SYT2: variants seen among roughly 807,000 people sequenced by gnomAD.
SYT2 encodes synaptotagmin-2.
In SYT2, 15 loss-of-function variants were observed where a neutral mutation model predicts 39.9. That is an observed-to-expected ratio of 0.38 (90% CI 0.25 to 0.58). The LOEUF (loss-of-function observed/expected upper bound fraction) is 0.58, where lower values mean the gene tolerates loss of function less well. Ranked by LOEUF, SYT2 falls within the 20% of genes least tolerant of loss-of-function variation. The pLI, the probability that SYT2 is intolerant of heterozygous loss-of-function variation, is 0.70. For synonymous variants in SYT2, 181 were observed against 204.5 expected, an observed-to-expected ratio of 0.89 and a Z score of 0.98; for missense variants, 389 against 530.3, an observed-to-expected ratio of 0.73 and a Z score of 2.62.
At chr1:202,604,723 A>G in intron 2 of SYT2, 102 bp from the exon 3 acceptor site, 1 of 1,113,626 alleles carries the variant, frequency 9.0e-7, no homozygotes, top group Non-Finnish European at 1.3e-6. Flanking sequence ...CTGCCATCCC[A>G]CAATGCCCAC....
At position 202,590,989 on chromosome 1, in the gene SYT2, G is replaced by GCTC. The variant is rs942795261; in HGVS notation, c.*5765_*5767dup. On this transcript the variant is annotated 3_prime_UTR_variant, in exon 9 of 9. Transcript: ENST00000367268. Reference sequence around the variant, plus strand: ...GAACTCCTGGTGCCCCATGCACACTGCTCCCATCACCTCACCAGACAGATG... The same window carrying GCTC: ...GAACTCCTGGTGCCCCATGCACACTGCTCCTCCCATCACCTCACCAGACAGATG... 23 of 152,280 alleles carry GCTC rather than the reference G, an allele frequency of 1.5e-4. No individual in the cohort carries two copies. The highest frequency in any genetic ancestry group is 5.1e-4 in the African/African-American group (21 of 41,438). The allele number at this position is 152,280 out of a possible 1,614,324, so 9.4% of individuals were successfully genotyped here. A position where few individuals can be genotyped will look rare whatever the true frequency, so the allele number is the denominator to read the frequency against.
intron 1 of SYT2, among the ~76,000 whole-genome samples, chr1:202,606,397 T>TCC (rs890417747): frequency 6.6e-6 from 1 of 152,094 alleles, no homozygotes; most frequent in Non-Finnish European, 1.5e-5. Context: ...CACTGAGGGC[T>TCC]CCTCTTTCAA....
At chr1:202,632,395 AT>A (rs1691618764) in intron 1 of SYT2, 1 of 227,268 alleles carries the variant, frequency 4.4e-6, no homozygotes, top group Non-Finnish European at 7.3e-6. Flanking sequence ...ATATTGGGGG[AT>A]GGGGAGCTGG....
At chr1:202,678,288 AAAAAAAAAAAAAACT>A (rs1367083793) in intron 1 of SYT2, among the ~76,000 whole-genome samples, 3 of 149,060 alleles carry the variant, frequency 2.0e-5, no homozygotes, top group African/African-American at 7.7e-5. Context: ...AAAAAAAAAA[AAAAAAAAAAAAAACT>A]AATAAAATAA....
intron 1 of SYT2, among the ~76,000 whole-genome samples, chr1:202,608,545 G>A (rs1341182141): frequency 1.3e-5 from 2 of 152,072 alleles, no homozygotes; most frequent in African/African-American, 2.4e-5. Context: ...CAAAATGTTG[G>A]CATTACAGGC....
At chr1:202,662,334 C>T (rs770533845) in intron 1 of SYT2, among the ~76,000 whole-genome samples, 6 of 152,244 alleles carry the variant, frequency 3.9e-5, no homozygotes, top group Non-Finnish European at 7.3e-5. Context: ...AGAGATTACA[C>T]TAATTGATCC....
At chr1:202,696,657 G>C (rs1278690759) in intron 1 of SYT2, among the ~76,000 whole-genome samples, 1 of 152,228 alleles carries the variant, frequency 6.6e-6, no homozygotes, top group Non-Finnish European at 1.5e-5. Flanking sequence ...TGGGAGCCTA[G>C]GGAAGTGTGG....
At chr1:202,663,716 T>C (rs1692429691) in intron 1 of SYT2, among the ~76,000 whole-genome samples, 1 of 152,146 alleles carries the variant, frequency 6.6e-6, no homozygotes, top group Non-Finnish European at 1.5e-5. Context: ...CCAGACACTA[T>C]CTCCTCTGAG....
chr1:202,641,668 T>C (rs1171923163), intron 1 of SYT2, among the ~76,000 whole-genome samples: 2 of 152,210 alleles, frequency 1.3e-5, no homozygotes, highest in African/African-American at 2.4e-5. Flanking sequence ...CTCTAGGCTA[T>C]TGTAGTGGAG....
intron 6 of SYT2, 97 bp from the exon 7 acceptor site, chr1:202,600,571 G>C (rs1690464059): frequency 1.9e-6 from 2 of 1,043,738 alleles, no homozygotes; most frequent in Non-Finnish European, 3.0e-6. Flanking sequence ...AGGCAGTGAT[G>C]TGTCCCTGCC....
intron 1 of SYT2, among the ~76,000 whole-genome samples, chr1:202,681,947 CA>C (rs1397092012): frequency 6.6e-6 from 1 of 152,194 alleles, no homozygotes; most frequent in African/African-American, 2.4e-5. Flanking sequence ...GCTACCCCTT[CA>C]AAAAGCCAAC....
intron 1 of SYT2, among the ~76,000 whole-genome samples, chr1:202,669,475 C>T (rs1452520575): frequency 6.6e-6 from 1 of 151,978 alleles, no homozygotes; most frequent in African/African-American, 2.4e-5. Context: ...GATGGTAAAA[C>T]CCCATCTCTA....
chr1:202,637,579 G>A (rs1691774051), intron 1 of SYT2, among the ~76,000 whole-genome samples: 1 of 152,242 alleles, frequency 6.6e-6, no homozygotes, highest in Admixed American at 6.5e-5. Context: ...GCAGTGGGGA[G>A]CAGGTTGAAG....
At chr1:202,597,678 A>G (rs186358223) in intron 8 of SYT2, among the ~76,000 whole-genome samples, 1 of 152,100 alleles carries the variant, frequency 6.6e-6, no homozygotes, top group African/African-American at 2.4e-5. Flanking sequence ...AGTGTCGTGG[A>G]CATTTGAGAG....
At chr1:202,684,702 T>C (rs1268727763) in intron 1 of SYT2, among the ~76,000 whole-genome samples, 1 of 152,154 alleles carries the variant, frequency 6.6e-6, no homozygotes, top group African/African-American at 2.4e-5. Context: ...TCACCCGTGA[T>C]GTATTTGGTT....
Position 202,596,298 on chromosome 1 carries a change from C to CACACAT in SYT2, c.*458_*459insATGTGT, listed in dbSNP as rs1553333837. ...ACACACACACACACACACACACACA[C>CACACAT]ACACACACATACACACACACACACA... On this transcript the variant is annotated 3_prime_UTR_variant, in exon 9 of 9. Coordinates refer to ENST00000367268, the MANE Select transcript of SYT2 (RefSeq NM_177402.5). 0.037 allele frequency: 2,900 copies of CACACAT among 79,432 alleles called. 24 individuals carry two copies. The highest frequency in any genetic ancestry group is 0.039 in the African/African-American group (691 of 17,658). The allele number at this position is 79,432 out of a possible 1,614,324, so 4.9% of individuals were successfully genotyped here.
At chr1:202,674,767 C>T (rs1401858499) in intron 1 of SYT2, among the ~76,000 whole-genome samples, 1 of 152,086 alleles carries the variant, frequency 6.6e-6, no homozygotes, top group Non-Finnish European at 1.5e-5. Flanking sequence ...CTTCACTGGC[C>T]GCAGCTCTGC....
At position 202,599,622 on chromosome 1, in the gene SYT2, T is replaced by C. The variant is rs777245914; in HGVS notation, c.920-271A>G. Among the ~76,000 whole-genome samples, 9 of 152,164 alleles carry C rather than the reference T, an allele frequency of 5.9e-5. No homozygotes were observed. The South Asian group carries it at 6.2e-4, about 10-fold the overall frequency. ...AAGTAAGGCCTTGTGAGAAAGAGTCTGGGGATTCATCTGTGATCCTGTACT... is the reference window on the plus strand; with the variant it reads ...AAGTAAGGCCTTGTGAGAAAGAGTCCGGGGATTCATCTGTGATCCTGTACT... On this transcript the variant is annotated intron_variant, in intron 7 of 8. Transcript: ENST00000367268. The surrounding 1 kb of genome is among the most constrained non-coding windows in gnomAD (Gnocchi z 4.4).
chr1:202,676,323 A>T (rs1291253360), intron 1 of SYT2, among the ~76,000 whole-genome samples: 1 of 152,180 alleles, frequency 6.6e-6, no homozygotes, highest in Non-Finnish European at 1.5e-5. Context: ...TGGGGCAGAG[A>T]ATCCTTCCCA....
Sources: gnomAD v4.1 joint callset for allele counts (sites outside exome capture counted in the v4.1 genomes callset) on GRCh38, gnomAD v4.1.1 for gene constraint, Gnocchi (gnomAD v3.1) non-coding constraint, MANE v1.5 for transcripts, NCBI Gene and HGNC (gene_info 2026-07-23, HGNC 2026-07-21) for gene names.